Variants in ADIPOR1 observed in about 807,000 individuals in gnomAD.
ADIPOR1 encodes the protein adiponectin receptor 1.
In ADIPOR1, 15 loss-of-function variants were observed where a neutral mutation model predicts 37.5. The ratio of observed to expected loss-of-function variants is 0.40; its 90% CI spans 0.27 to 0.62. The LOEUF is 0.62. Ranked by LOEUF, ADIPOR1 falls within the 20% of genes least tolerant of loss-of-function variation. ADIPOR1 has a pLI of 0.42. For missense variants in ADIPOR1, 286 were observed against 478.0 expected (o/e 0.60, Z 3.75); for synonymous variants, 173 against 173.2 (o/e 1.00, Z 0.01).
Position 202,951,153 on chromosome 1 carries a change from T to G in ADIPOR1, c.-83A>C. On this transcript the variant is annotated 5_prime_UTR_variant, in exon 2 of 8. Coordinates refer to ENST00000340990, the MANE Select transcript of ADIPOR1 (RefSeq NM_015999.6). ...GCCCCAGGGGGCAGAGATCTCCCTCTGATGGTAGACACTAAAAGAAAATAC... is the reference window on the plus strand; with the variant it reads ...GCCCCAGGGGGCAGAGATCTCCCTCGGATGGTAGACACTAAAAGAAAATAC... The G allele has an allele frequency of 6.5e-7, 1 of 1,539,446 alleles. No individual in the cohort carries two copies. Among genetic ancestry groups the G allele is most frequent in the Non-Finnish European group, 8.9e-7 (1 of 1,124,766 alleles).
At chr1:202,948,493 C>T (rs983687660) in intron 2 of ADIPOR1, 73 bp from the exon 3 acceptor site, 1 of 1,338,200 alleles carries the variant, frequency 7.5e-7, no homozygotes, top group African/African-American at 1.4e-5. Context: ...CAGAGAGACC[C>T]AGAAAAACCC....
chr1:202,944,985 G>C lies in ADIPOR1; in HGVS notation c.615C>G (p.Ser205=). The part of the protein sequence containing the change: ...CHSEKVSRTF[S]KLDYSGIALL... ...CCTATGGTGTTCTTTTAACTCACTTGGAAAAAGTCCGAGAGACTTTCTCTG... is the reference window on the plus strand; with the variant it reads ...CCTATGGTGTTCTTTTAACTCACTTCGAAAAAGTCCGAGAGACTTTCTCTG... Residue 205 remains serine, a splice_region_variant and synonymous_variant, in exon 5 of 8, where the codon TCC becomes TCG. Coordinates refer to ENST00000340990, the MANE Select transcript of ADIPOR1 (RefSeq NM_015999.6). The C allele has an allele frequency of 6.2e-7, 1 of 1,609,154 alleles. No homozygotes were observed. Among genetic ancestry groups the C allele is most frequent in the Non-Finnish European group, 8.5e-7 (1 of 1,178,334 alleles).
chr1:202,953,628 T>G (rs1654666666), intron 1 of ADIPOR1, among the ~76,000 whole-genome samples: 1 of 152,150 alleles, frequency 6.6e-6, no homozygotes. Flanking sequence ...AACACATTCA[T>G]TGAATATTTA....
At chr1:202,953,453 A>G (rs1654660189) in intron 1 of ADIPOR1, among the ~76,000 whole-genome samples, 2 of 152,198 alleles carry the variant, frequency 1.3e-5, no homozygotes, top group Non-Finnish European at 2.9e-5. Context: ...ATAAAATAAT[A>G]AATATACTTT....
rs780739454 is a variant in ADIPOR1, at chr1:202,950,917, G to A, written c.141+13C>T. 12 of 1,614,048 alleles carry A rather than the reference G, an allele frequency of 7.4e-6. No individual in the cohort carries two copies. Among genetic ancestry groups the A allele is most frequent in the South Asian group, 1.1e-5 (1 of 91,090 alleles). On this transcript the variant is annotated intron_variant, in intron 2 of 7. Transcript: ENST00000340990. The stretch of plus-strand genomic sequence containing the variant: ...AACTGAACAAGGGGATGACTCCTGG[G>A]AAGATGACTTACTTTGGGTGGGTTG...
chr1:202,951,188 G>T, intron 1 of ADIPOR1, 24 bp from the exon 2 acceptor site: 1 of 1,189,972 alleles, frequency 8.4e-7, no homozygotes, highest in Non-Finnish European at 1.2e-6. Flanking sequence ...CAAACATGAA[G>T]GATTGACAAT....
chr1:202,945,035 GC>G lies in ADIPOR1; in HGVS notation c.564del (p.Trp188CysfsTer28). ...GAATGACAATAGACGGTGTGAAAGAGCCAGGAGAAGCTGAGGCAGAGCACTG... is the reference window on the plus strand; with the variant it reads ...GAATGACAATAGACGGTGTGAAAGAGCAGGAGAAGCTGAGGCAGAGCACTG... ...LGAVLCLSFS[W>X]LFHTVYCHSE... On this transcript the variant is annotated frameshift_variant, in exon 5 of 8. Transcript: ENST00000340990. LOFTEE classifies it high-confidence loss of function. 1 of 1,614,022 alleles carries G rather than the reference GC, an allele frequency of 6.2e-7. No individual in the cohort carries two copies. Among genetic ancestry groups the G allele is most frequent in the Non-Finnish European group, 8.5e-7 (1 of 1,179,984 alleles).
Position 202,957,870 on chromosome 1 carries a change from T to C in ADIPOR1, c.-95+315A>G, listed in dbSNP as rs186082621. On this transcript the variant is annotated intron_variant, in intron 1 of 7. Coordinates refer to ENST00000340990, the MANE Select transcript of ADIPOR1 (RefSeq NM_015999.6). The stretch of plus-strand genomic sequence containing the variant: ...CTCTGGTCCCGATCTGGGGAACCCA[T>C]GCATCTCCACCCCGTGGGGCTAAAG... Among the ~76,000 whole-genome samples the C allele has an allele frequency of 4.9e-3, 750 of 152,264 alleles. 7 individuals are homozygous for C. The highest frequency in any genetic ancestry group is 0.017 in the African/African-American group (686 of 41,566).
Position 202,951,151 on chromosome 1 carries a change from T to G in ADIPOR1, c.-81A>C. On this transcript the variant is annotated 5_prime_UTR_variant, in exon 2 of 8. Transcript: ENST00000340990. ...CAGCCCCAGGGGGCAGAGATCTCCC[T>G]CTGATGGTAGACACTAAAAGAAAAT... The G allele has an allele frequency of 6.5e-7, 1 of 1,546,520 alleles. No individual in the cohort carries two copies. The highest frequency in any genetic ancestry group is 1.2e-5 in the South Asian group (1 of 86,796).
At chr1:202,955,699 A>G (rs1284130744) in intron 1 of ADIPOR1, among the ~76,000 whole-genome samples, 1 of 150,132 alleles carries the variant, frequency 6.7e-6, no homozygotes, top group Non-Finnish European at 1.5e-5. Context: ...ATACTCCTGG[A>G]CTCAAGCAAT....
rs376776537 is a variant in ADIPOR1, at chr1:202,942,234, A to G, written c.806-16T>C. On this transcript the variant is annotated splice_polypyrimidine_tract_variant and intron_variant, in intron 6 of 7. Coordinates refer to ENST00000340990, the MANE Select transcript of ADIPOR1 (RefSeq NM_015999.6). ...AGGAACACGCCTGAACAGAACAGACATAAGACTGTCAAACAAGGAAACAGC... is the reference window on the plus strand; with the variant it reads ...AGGAACACGCCTGAACAGAACAGACGTAAGACTGTCAAACAAGGAAACAGC... The G allele has an allele frequency of 2.5e-5, 40 of 1,581,692 alleles. No individual in the cohort carries two copies. Among genetic ancestry groups the G allele is most frequent in the Non-Finnish European group, 3.1e-5 (36 of 1,161,262 alleles).
Position 202,943,774 on chromosome 1 carries a change from G to T in ADIPOR1, c.789C>A (p.His263Gln). 6.2e-7 allele frequency: 1 copy of T among 1,613,400 alleles called. No homozygotes were observed. The highest frequency in any genetic ancestry group is 8.5e-7 in the Non-Finnish European group (1 of 1,179,984). Residue 263 changes from histidine to glutamine, a missense_variant, in exon 6 of 8, where the codon CAC (histidine) becomes CAA (glutamine). By Grantham distance (24) the His-to-Gln change is conservative (BLOSUM62 0). Coordinates refer to ENST00000340990, the MANE Select transcript of ADIPOR1 (RefSeq NM_015999.6). Reference sequence around the variant, plus strand: ...CCGACCTACCTGCTCTTGTCTGCCGGTGCTTAGGAGTGGCAAACCGGTCCC... The same window carrying T: ...CCGACCTACCTGCTCTTGTCTGCCGTTGCTTAGGAGTGGCAAACCGGTCCC... ...AQWDRFATPK[H>Q]RQTRAGVFLG...
intron 1 of ADIPOR1, among the ~76,000 whole-genome samples, chr1:202,951,985 C>T (rs1654595208): frequency 6.6e-6 from 1 of 152,164 alleles, no homozygotes; most frequent in African/African-American, 2.4e-5. Context: ...TAGAGACAGG[C>T]ACACACAAAA....
chr1:202,941,468 T>G lies in ADIPOR1; in HGVS notation c.*105A>C. ...GGTTGGTACTGAATTCTCTAAGAGG[T>G]TTCTTCTAGAAACAGACAACTCAGA... On this transcript the variant is annotated 3_prime_UTR_variant, in exon 8 of 8. Coordinates refer to ENST00000340990, the MANE Select transcript of ADIPOR1 (RefSeq NM_015999.6). 1 of 1,399,164 alleles carries G rather than the reference T, an allele frequency of 7.1e-7. No individual in the cohort carries two copies. Among genetic ancestry groups the G allele is most frequent in the Non-Finnish European group, 9.6e-7 (1 of 1,045,748 alleles). The allele number at this position is 1,399,164 out of a possible 1,614,324, so 86.7% of individuals were successfully genotyped here.
intron 1 of ADIPOR1, among the ~76,000 whole-genome samples, chr1:202,957,897 C>T (rs938650859): frequency 1.3e-5 from 2 of 152,318 alleles, no homozygotes; most frequent in Non-Finnish European, 2.9e-5. Flanking sequence ...GGGCTAAAGG[C>T]GCAGCACTCA....
chr1:202,952,771 A>G (rs1245142375), intron 1 of ADIPOR1, among the ~76,000 whole-genome samples: 1 of 152,184 alleles, frequency 6.6e-6, no homozygotes, highest in Non-Finnish European at 1.5e-5. Flanking sequence ...TCATGAGCCA[A>G]TTCCCCGAAT....
Position 202,941,636 on chromosome 1 carries a change from G to T in ADIPOR1, c.1065C>A (p.Val355=), listed in dbSNP as rs753924469. The T allele has an allele frequency of 3.1e-6, 5 of 1,614,146 alleles. No individual in the cohort carries two copies. The highest frequency in any genetic ancestry group is 4.2e-6 in the Non-Finnish European group (5 of 1,180,012). ...CGTAACGGAATTCCTGAAGGTTGGA[G>T]ACTCCATAGAAGTGGACAAAGGCTG... is the stretch of plus-strand genomic sequence containing the variant. The part of the protein sequence containing the change: ...VAAAFVHFYG[V]SNLQEFRYGL... The change falls in exon 8 of 8, where the codon GTC becomes GTA. Residue 355 remains valine, a synonymous_variant. Transcript: ENST00000340990.
At position 202,941,502 on chromosome 1, in the gene ADIPOR1, C is replaced by G. The variant is rs1654081368; in HGVS notation, c.*71G>C. ...GAAACAGACAACTCAGACTCTTCCT[C>G]TCACTTCAGCAAAGAAGTTATTTTT... On this transcript the variant is annotated 3_prime_UTR_variant, in exon 8 of 8. Transcript: ENST00000340990. The G allele has an allele frequency of 5.9e-6, 9 of 1,533,904 alleles. No individual in the cohort carries two copies. In the South Asian group the frequency reaches 1.2e-4, roughly 20 times the overall value.
At chr1:202,943,966 GAAAC>G (rs1327046701) in intron 5 of ADIPOR1, 21 bp from the exon 6 acceptor site, 1 of 1,593,598 alleles carries the variant, frequency 6.3e-7, no homozygotes, top group African/African-American at 1.3e-5. Context: ...CCACAAAAAT[GAAAC>G]AAATCAGTGG....
Sources: gnomAD v4.1 joint callset for allele counts (sites outside exome capture counted in the v4.1 genomes callset) on GRCh38, gnomAD v4.1.1 for gene constraint, MANE v1.5 for transcripts, NCBI Gene and HGNC (gene_info 2026-07-23, HGNC 2026-07-21) for gene names.